Variants in PTPRD observed in about 807,000 individuals in gnomAD.
PTPRD encodes receptor-type tyrosine-protein phosphatase delta.
A neutral mutation model predicts 214.5 loss-of-function variants in PTPRD; 34 were observed. The observed-to-expected ratio is 0.16, with a 90% CI of 0.12 to 0.21. The LOEUF (loss-of-function observed/expected upper bound fraction) is 0.21. Among genes scored for constraint, PTPRD ranks in the 10% least tolerant of loss-of-function variants. PTPRD has a pLI of 1.00. For synonymous variants in PTPRD, 1,128 were observed against 845.7 expected (o/e 1.33, Z -5.79); for missense variants, 2,545 against 2,398.7 (o/e 1.06, Z -1.27).
At chr9:8,904,166 G>C (rs1486793263) in intron 11 of PTPRD, among the ~76,000 whole-genome samples, 1 of 152,116 alleles carries the variant, frequency 6.6e-6, no homozygotes, top group Non-Finnish European at 1.5e-5. Flanking sequence ...ACATTTGTGA[G>C]TTAGTTTTAG....
intron 4 of PTPRD, among the ~76,000 whole-genome samples, chr9:9,973,744 G>GAAAA: frequency 6.6e-6 from 1 of 152,152 alleles, no homozygotes; most frequent in Middle Eastern, 3.4e-3. Flanking sequence ...ATATTGGTGT[G>GAAAA]AAAACATGTT....
intron 5 of PTPRD, among the ~76,000 whole-genome samples, chr9:9,919,331 A>C (rs1434452395): frequency 1.3e-5 from 2 of 152,072 alleles, no homozygotes; most frequent in Non-Finnish European, 2.9e-5. Context: ...CTTGGCCCAA[A>C]CTTCACCTCA....
At chr9:10,009,525 T>C (rs1201935041) in intron 4 of PTPRD, among the ~76,000 whole-genome samples, 1 of 151,876 alleles carries the variant, frequency 6.6e-6, no homozygotes, top group African/African-American at 2.4e-5. Flanking sequence ...GAAAGGAGTG[T>C]CTGGTTTAAG....
chr9:8,492,527 G>A (rs541670909), intron 27 of PTPRD, among the ~76,000 whole-genome samples: 67 of 150,284 alleles, frequency 4.5e-4, no homozygotes, highest in African/African-American at 1.6e-3. Context: ...TTCAGAAAGT[G>A]AATTTCATGA....
At chr9:9,871,779 T>G (rs556066347) in intron 5 of PTPRD, among the ~76,000 whole-genome samples, 4 of 152,080 alleles carry the variant, frequency 2.6e-5, no homozygotes, top group Non-Finnish European at 5.9e-5. Flanking sequence ...GGGCAGAGGG[T>G]AAGCAACCTA....
intron 5 of PTPRD, among the ~76,000 whole-genome samples, chr9:9,785,019 G>GAA (rs905693082): frequency 9.0e-5 from 13 of 144,760 alleles, no homozygotes; most frequent in African/African-American, 2.8e-4. Flanking sequence ...ACATGTTTTG[G>GAA]AAAAAAAAAA....
At chr9:9,958,351 G>A (rs2094111580) in intron 4 of PTPRD, among the ~76,000 whole-genome samples, 1 of 152,124 alleles carries the variant, frequency 6.6e-6, no homozygotes, top group Non-Finnish European at 1.5e-5. Context: ...CCAACATGGT[G>A]AAACCCCATC....
chr9:9,656,400 A>C (rs2096515116), intron 7 of PTPRD, among the ~76,000 whole-genome samples: 3 of 152,222 alleles, frequency 2.0e-5, no homozygotes. Context: ...ACACTGATAC[A>C]TCCAGACAAT....
chr9:9,154,457 CA>C (rs1321510848), intron 10 of PTPRD, among the ~76,000 whole-genome samples: 1 of 152,102 alleles, frequency 6.6e-6, no homozygotes, highest in African/African-American at 2.4e-5. Flanking sequence ...CTTCCCAAAA[CA>C]GGGAGAGAGA....
At chr9:10,588,600 A>C (rs2074576520) in intron 2 of PTPRD, among the ~76,000 whole-genome samples, 1 of 152,110 alleles carries the variant, frequency 6.6e-6, no homozygotes, top group African/African-American at 2.4e-5. Flanking sequence ...ATTGAAAATT[A>C]TAAAGCAAAT....
intron 2 of PTPRD, among the ~76,000 whole-genome samples, chr9:10,438,494 T>G (rs1055202903): frequency 6.6e-6 from 1 of 151,764 alleles, no homozygotes; most frequent in African/African-American, 2.4e-5. Flanking sequence ...CAACTTCAAG[T>G]AATTTATGAG....
At chr9:8,420,083 T>G (rs1212366765) in intron 35 of PTPRD, among the ~76,000 whole-genome samples, 1 of 152,146 alleles carries the variant, frequency 6.6e-6, no homozygotes, top group Non-Finnish European at 1.5e-5. Flanking sequence ...GCCAGTCCCA[T>G]TAACCATGGA....
intron 8 of PTPRD, among the ~76,000 whole-genome samples, chr9:9,496,574 AAAAC>A (rs763210971): frequency 2.1e-4 from 32 of 152,202 alleles, no homozygotes; most frequent in Non-Finnish European, 2.1e-4. Context: ...ACAAAAAACA[AAAAC>A]AAACAAACAA....
At chr9:10,000,808 G>A (rs1311042570) in intron 4 of PTPRD, among the ~76,000 whole-genome samples, 2 of 152,168 alleles carry the variant, frequency 1.3e-5, no homozygotes, top group Non-Finnish European at 2.9e-5. Context: ...GTCAGCACGT[G>A]TGCCAGGCAT....
At chr9:8,925,308 G>A (rs1407854185) in intron 11 of PTPRD, among the ~76,000 whole-genome samples, 1 of 152,076 alleles carries the variant, frequency 6.6e-6, no homozygotes, top group African/African-American at 2.4e-5. Flanking sequence ...CAGGGATGGT[G>A]TAGGATGGCT....
chr9:10,050,976 C>A (rs933230827), intron 3 of PTPRD, among the ~76,000 whole-genome samples: 1 of 152,028 alleles, frequency 6.6e-6, no homozygotes, highest in African/African-American at 2.4e-5. Flanking sequence ...AATATTAAAA[C>A]TTCCTAAATA....
chr9:8,786,908 T>C (rs990478403), intron 11 of PTPRD, among the ~76,000 whole-genome samples: 3 of 151,984 alleles, frequency 2.0e-5, no homozygotes, highest in Non-Finnish European at 2.9e-5. Flanking sequence ...GTGAGAAAAC[T>C]ACTTTATTTA....
intron 7 of PTPRD, among the ~76,000 whole-genome samples, chr9:9,662,808 T>C (rs1048320211): frequency 5.3e-5 from 8 of 151,618 alleles, no homozygotes; most frequent in African/African-American, 1.9e-4. Flanking sequence ...TATCTTAGTG[T>C]CTTTCACATG....
At chr9:10,068,259 G>C (rs2097919765) in intron 3 of PTPRD, among the ~76,000 whole-genome samples, 1 of 151,856 alleles carries the variant, frequency 6.6e-6, no homozygotes, top group South Asian at 2.1e-4. Context: ...ACCGAATGTG[G>C]AAAAGGTGGT....
Sources: gnomAD v4.1 joint callset for allele counts (sites outside exome capture counted in the v4.1 genomes callset) on GRCh38, gnomAD v4.1.1 for gene constraint, MANE v1.5 for transcripts, NCBI Gene and HGNC (gene_info 2026-07-23, HGNC 2026-07-21) for gene names.